The following CDK17 variants were observed in gnomAD, a reference collection of about 807,000 sequenced individuals.
The protein encoded by CDK17 is cyclin dependent kinase 17.
In CDK17, 24 loss-of-function variants were observed where a neutral mutation model predicts 77.6. That is an observed-to-expected ratio of 0.31 (90% CI 0.22 to 0.44). The LOEUF is 0.44. Ranked by LOEUF, CDK17 falls within the 20% of genes least tolerant of loss-of-function variation. The pLI is 1.00. For missense variants in CDK17, 429 were observed against 622.5 expected (o/e 0.69, Z 3.31); for synonymous variants, 203 against 210.4 (o/e 0.96, Z 0.30).
At chr12:96,309,422 TAC>T (rs1952618787) in intron 5 of CDK17, among the ~76,000 whole-genome samples, 1 of 152,248 alleles carries the variant, frequency 6.6e-6, no homozygotes, top group Non-Finnish European at 1.5e-5. Context: ...GTATCTCTAC[TAC>T]AGGACTATAG....
chr12:96,395,642 C>A (rs1024795599), intron 1 of CDK17, among the ~76,000 whole-genome samples: 6 of 152,170 alleles, frequency 3.9e-5, no homozygotes, highest in Non-Finnish European at 8.8e-5. Flanking sequence ...CTGTGTACCC[C>A]CAAAATTCAC....
intron 2 of CDK17, among the ~76,000 whole-genome samples, chr12:96,333,656 A>G (rs1164911906): frequency 6.8e-6 from 1 of 147,254 alleles, no homozygotes; most frequent in Non-Finnish European, 1.5e-5. Flanking sequence ...CCTGGGCAGC[A>G]GAGCGAGACT....
chr12:96,316,358 A>C (rs948529118), intron 3 of CDK17, among the ~76,000 whole-genome samples: 2 of 151,290 alleles, frequency 1.3e-5, no homozygotes, highest in African/African-American at 4.9e-5. Flanking sequence ...TCAAACCGCA[A>C]GGCGGCAGCG....
chr12:96,336,184 G>A (rs928062081), intron 1 of CDK17, among the ~76,000 whole-genome samples: 33 of 152,082 alleles, frequency 2.2e-4, no homozygotes, highest in African/African-American at 7.7e-4. Flanking sequence ...GAAACCAGCT[G>A]GGCATAGTAG....
rs4403846 is a variant in CDK17, at chr12:96,316,427, C to A, written c.284-2973G>T. On this transcript the variant is annotated intron_variant, in intron 3 of 16. Coordinates refer to ENST00000261211, the MANE Select transcript of CDK17 (RefSeq NM_002595.5). The stretch of plus-strand genomic sequence containing the variant: ...CTTGCTTAGGTAAACAAAGCAGCCA[C>A]GAAGCTCGAACTGGGTGGAGCCCAC... Among the ~76,000 whole-genome samples the A allele has an allele frequency of 4.9e-5, 7 of 142,154 alleles. 1 individual carries two copies. The highest frequency in any genetic ancestry group is 7.9e-5 in the African/African-American group (3 of 37,928). The allele number at this position is 142,154 out of a possible 152,430, so 93.3% of individuals were successfully genotyped here. A position where few individuals can be genotyped will look rare whatever the true frequency, so the allele number is the denominator to read the frequency against.
chr12:96,362,507 C>A (rs548004014), intron 1 of CDK17, among the ~76,000 whole-genome samples: 53 of 152,188 alleles, frequency 3.5e-4, no homozygotes, highest in African/African-American at 1.2e-3. Flanking sequence ...GTATGAGCCA[C>A]CATGCCCAGC....
At chr12:96,357,702 T>A (rs531167873) in intron 1 of CDK17, among the ~76,000 whole-genome samples, 1 of 152,334 alleles carries the variant, frequency 6.6e-6, no homozygotes, top group Non-Finnish European at 1.5e-5. Flanking sequence ...GTACATGCCC[T>A]ACCTTCTCTG....
Position 96,299,002 on chromosome 12 carries a change from A to T in CDK17, c.601-19T>A. On this transcript the variant is annotated intron_variant, in intron 6 of 16. Coordinates refer to ENST00000261211, the MANE Select transcript of CDK17 (RefSeq NM_002595.5). ...ATGTACCCTATAAAATATATTTTTA[A>T]AGGACGCATCAAAAGTATCATAAGA... 2 of 1,223,310 alleles carry T rather than the reference A, an allele frequency of 1.6e-6. No homozygotes were observed. The highest frequency in any genetic ancestry group is 2.4e-6 in the Non-Finnish European group (2 of 838,914). 75.8% of individuals were successfully genotyped at this position (1,223,310 alleles called of 1,614,324 possible).
At chr12:96,365,235 T>C (rs1953564510) in intron 1 of CDK17, among the ~76,000 whole-genome samples, 1 of 152,200 alleles carries the variant, frequency 6.6e-6, no homozygotes, top group African/African-American at 2.4e-5. Flanking sequence ...AATTCATTCA[T>C]CAATTTAAAA....
Position 96,278,807 on chromosome 12 carries a change from T to C in CDK17, c.*1435A>G, listed in dbSNP as rs1040761568. ...ATTAAAATTTTAGTATCGTGAAATATTAAAATAACACCCCAAACATGCCAC... is the reference window on the plus strand; with the variant it reads ...ATTAAAATTTTAGTATCGTGAAATACTAAAATAACACCCCAAACATGCCAC... On this transcript the variant is annotated 3_prime_UTR_variant, in exon 17 of 17. Transcript: ENST00000261211. 1.2e-4 allele frequency: 18 copies of C among 152,492 alleles called. No individual in the cohort carries two copies. The highest frequency in any genetic ancestry group is 5.9e-5 in the Non-Finnish European group (4 of 67,958). The allele number at this position is 152,492 out of a possible 1,614,324, so 9.4% of individuals were successfully genotyped here.
chr12:96,308,484 G>A (rs1239063996), intron 5 of CDK17, among the ~76,000 whole-genome samples: 6 of 151,450 alleles, frequency 4.0e-5, no homozygotes, highest in African/African-American at 7.3e-5. Flanking sequence ...ATCCCAGCAC[G>A]TTGGGAGGCC....
At chr12:96,323,396 C>A (rs1305803991) in intron 3 of CDK17, among the ~76,000 whole-genome samples, 1 of 151,960 alleles carries the variant, frequency 6.6e-6, no homozygotes, top group Non-Finnish European at 1.5e-5. Flanking sequence ...GTCAGGGCTG[C>A]AGTGAGCTTC....
At chr12:96,337,050 C>T (rs1237304420) in intron 1 of CDK17, among the ~76,000 whole-genome samples, 1 of 152,120 alleles carries the variant, frequency 6.6e-6, no homozygotes, top group East Asian at 1.9e-4. Context: ...GATGATGTTA[C>T]CTTCCTCCAG....
intron 7 of CDK17, among the ~76,000 whole-genome samples, chr12:96,298,146 G>A (rs930293407): frequency 6.6e-6 from 1 of 152,060 alleles, no homozygotes; most frequent in African/African-American, 2.4e-5. Flanking sequence ...AGTTAGCCGG[G>A]CGTGATGGCG....
chr12:96,400,299 G>A lies in CDK17; in HGVS notation c.-343C>T. 2 of 390,166 alleles carry A rather than the reference G, an allele frequency of 5.1e-6. No individual in the cohort carries two copies. Among genetic ancestry groups the A allele is most frequent in the Non-Finnish European group, 4.5e-6 (1 of 220,508 alleles). The allele number at this position is 390,166 out of a possible 1,614,324, so 24.2% of individuals were successfully genotyped here. A position where few individuals can be genotyped will look rare whatever the true frequency, so the allele number is the denominator to read the frequency against. On this transcript the variant is annotated 5_prime_UTR_variant, in exon 1 of 17. Coordinates refer to ENST00000261211, the MANE Select transcript of CDK17 (RefSeq NM_002595.5). The stretch of plus-strand genomic sequence containing the variant: ...GCCGGGCGCGAGCGCGGCGGGCGCC[G>A]ACGGCGGGCTGAGACTGTCTGGCCG...
At chr12:96,306,949 T>C (rs1342987131) in intron 5 of CDK17, among the ~76,000 whole-genome samples, 12 of 152,178 alleles carry the variant, frequency 7.9e-5, no homozygotes, top group Admixed American at 7.9e-4. Flanking sequence ...ATCCAAAACA[T>C]AGCTGGCATG....
Position 96,295,062 on chromosome 12 carries a change from G to A in CDK17, c.934C>T (p.Arg312Ter). The A allele has an allele frequency of 2.5e-6, 4 of 1,611,514 alleles. No individual in the cohort carries two copies. Among genetic ancestry groups the A allele is most frequent in the Non-Finnish European group, 3.4e-6 (4 of 1,178,104 alleles). ...AYCHRRKVLHRDLKPQNLLIN... is the reference protein window; with the variant it reads ...AYCHRRKVLH ...AGGAGGTTCTGTGGTTTCAAGTCTC[G>A]ATGCAATACCTTTCTTCTATGGCAA... Residue 312 changes from arginine (R) to a stop codon, truncating the protein, a stop_gained, in exon 10 of 17, where the codon CGA (arginine) becomes TGA (stop). Transcript: ENST00000261211. LOFTEE classifies it high-confidence loss of function.
intron 1 of CDK17, among the ~76,000 whole-genome samples, chr12:96,396,099 A>T (rs1452690744): frequency 1.3e-5 from 2 of 152,262 alleles, no homozygotes; most frequent in African/African-American, 4.8e-5. Context: ...AACAGTATTC[A>T]GTATTGCAGG....
In CDK17 at chr12:96,400,063, G is replaced by A. The variant is rs1263106992; in HGVS notation, c.-107C>T. The A allele has an allele frequency of 2.3e-5, 9 of 388,884 alleles. No individual in the cohort carries two copies. The highest frequency in any genetic ancestry group is 3.6e-5 in the Non-Finnish European group (8 of 220,122). 24.1% of individuals were successfully genotyped at this position (388,884 alleles called of 1,614,324 possible). A position where few individuals can be genotyped will look rare whatever the true frequency, so the allele number is the denominator to read the frequency against. On this transcript the variant is annotated 5_prime_UTR_variant, in exon 1 of 17. Coordinates refer to ENST00000261211, the MANE Select transcript of CDK17 (RefSeq NM_002595.5). ...GGAAGCTGCTCCGCGGACGCCCGCGGCGACCGGATGCAAGTCCGGGTCTCA... is the reference window on the plus strand; with the variant it reads ...GGAAGCTGCTCCGCGGACGCCCGCGACGACCGGATGCAAGTCCGGGTCTCA...
Sources: gnomAD v4.1 joint callset for allele counts (sites outside exome capture counted in the v4.1 genomes callset) on GRCh38, gnomAD v4.1.1 for gene constraint, MANE v1.5 for transcripts, NCBI Gene and HGNC (gene_info 2026-07-23, HGNC 2026-07-21) for gene names.